The following ALDH18A1 variants were observed in gnomAD, a reference collection of about 807,000 sequenced individuals.
ALDH18A1 encodes aldehyde dehydrogenase 18 family member A1, also known as delta-1-pyrroline-5-carboxylate synthase.
ALDH18A1 carries 44 observed loss-of-function variants against 88.8 expected under a neutral mutation model. That is an observed-to-expected ratio of 0.50 (90% CI 0.39 to 0.64). The LOEUF is 0.64. Ranked by LOEUF, ALDH18A1 falls within the 30% of genes least tolerant of loss-of-function variation. The pLI, the probability that ALDH18A1 is intolerant of heterozygous loss-of-function variation, is 0.00. For synonymous variants in ALDH18A1, 331 were observed against 372.1 expected (o/e 0.89, Z 1.27); for missense variants, 782 against 1,009.5 (o/e 0.77, Z 3.05).
At chr10:95,632,360 A>G (rs2097871753) in intron 7 of ALDH18A1, among the ~76,000 whole-genome samples, 1 of 152,102 alleles carries the variant, frequency 6.6e-6, no homozygotes, top group East Asian at 1.9e-4. Context: ...TGAATTGTAA[A>G]CTTTTATTTA....
At chr10:95,644,991 C>T (rs936574767) in intron 2 of ALDH18A1, among the ~76,000 whole-genome samples, 1 of 152,210 alleles carries the variant, frequency 6.6e-6, no homozygotes, top group Admixed American at 6.5e-5. Context: ...GAGAGAAAAA[C>T]ATTTCTATCC....
intron 12 of ALDH18A1, among the ~76,000 whole-genome samples, chr10:95,619,899 C>T (rs1015370460): frequency 1.3e-5 from 2 of 152,178 alleles, no homozygotes; most frequent in Non-Finnish European, 2.9e-5. Flanking sequence ...ATGACTAAAA[C>T]ACCAAAAGCA....
rs746150080 is a variant in ALDH18A1, at chr10:95,611,288, C to G, written c.2078G>C (p.Ser693Thr). Reference protein sequence around the residue: ...DAIDHIHKYGSSHTDVIVTED... With the variant: ...DAIDHIHKYGTSHTDVIVTED... Reference sequence around the variant, plus strand: ...TGTGACGATGACATCCGTGTGGGAGCTGCCATACTTGTGGATGTGGTCAAT... The same window carrying G: ...TGTGACGATGACATCCGTGTGGGAGGTGCCATACTTGTGGATGTGGTCAAT... The change falls in exon 16 of 18, where the codon AGC (serine) becomes ACC (threonine). Residue 693 changes from serine to threonine, a missense_variant. Around this residue, in one of 3 missense-constraint regions of ALDH18A1, gnomAD observed 556 missense variants for 654.5 expected, o/e 0.85. Coordinates refer to ENST00000371224, the MANE Select transcript of ALDH18A1 (RefSeq NM_002860.4). 17 of 1,614,058 alleles carry G rather than the reference C, an allele frequency of 1.1e-5. No homozygotes were observed. Among genetic ancestry groups the G allele is most frequent in the Non-Finnish European group, 1.4e-5 (17 of 1,180,030 alleles).
intron 5 of ALDH18A1, 63 bp downstream of exon 5, chr10:95,637,030 C>G: frequency 6.9e-7 from 1 of 1,453,248 alleles, no homozygotes; most frequent in Non-Finnish European, 9.6e-7. Flanking sequence ...GGCTCCAGAC[C>G]CCTTTGTTCC....
At chr10:95,655,974 G>A (rs1317136577) in intron 1 of ALDH18A1, among the ~76,000 whole-genome samples, 1 of 152,170 alleles carries the variant, frequency 6.6e-6, no homozygotes, top group African/African-American at 2.4e-5. Flanking sequence ...CCACCTCAGA[G>A]GGCAGGGGAT....
chr10:95,611,973 G>A (rs1024611345), intron 15 of ALDH18A1, among the ~76,000 whole-genome samples: 3 of 148,302 alleles, frequency 2.0e-5, no homozygotes, highest in Non-Finnish European at 3.0e-5. Flanking sequence ...CCGTCTCAAA[G>A]AAAAAAAAAA....
At chr10:95,607,035 G>T in intron 17 of ALDH18A1, 92 bp from the exon 18 acceptor site, 1 of 1,303,064 alleles carries the variant, frequency 7.7e-7, no homozygotes, top group Non-Finnish European at 1.1e-6. Flanking sequence ...CCCCTCACTT[G>T]GTACCCTCTC....
At chr10:95,610,090 C>G (rs2097830882) in intron 17 of ALDH18A1, 107 bp downstream of exon 17, 7 of 1,107,128 alleles carry the variant, frequency 6.3e-6, no homozygotes, top group Middle Eastern at 2.0e-4. Context: ...TTATCTTGAC[C>G]AAGCATGTGA....
At chr10:95,611,197 A>G in intron 16 of ALDH18A1, 59 bp downstream of exon 16, 1 of 1,601,778 alleles carries the variant, frequency 6.2e-7, no homozygotes, top group Non-Finnish European at 8.5e-7. Context: ...GGCTAAGAGG[A>G]GCAGGATCAG....
chr10:95,650,950 AT>A (rs1400596082), intron 2 of ALDH18A1, among the ~76,000 whole-genome samples: 1 of 152,170 alleles, frequency 6.6e-6, no homozygotes, highest in Non-Finnish European at 1.5e-5. Context: ...CCTGGCCAAC[AT>A]GGTAAAACCC....
At chr10:95,618,144 T>C (rs3793751) in intron 12 of ALDH18A1, among the ~76,000 whole-genome samples, 15,409 of 152,078 alleles carry the variant, frequency 0.1, 926 homozygotes, top group Middle Eastern at 0.2. Flanking sequence ...GCTGGTATCC[T>C]ATAGGACAGT....
In ALDH18A1 at chr10:95,609,769, A is replaced by ATTTTTTTTTTTTTTT. The variant is rs55659918; in HGVS notation, c.2206+413_2206+427dup. Among the ~76,000 whole-genome samples, 296 of 114,162 alleles carry ATTTTTTTTTTTTTTT rather than the reference A, an allele frequency of 2.6e-3. 26 individuals are homozygous for ATTTTTTTTTTTTTTT. The highest frequency in any genetic ancestry group is 3.6e-3 in the African/African-American group (105 of 29,080). 74.9% of individuals were successfully genotyped at this position (114,162 alleles called of 152,430 possible). ...CCTACCTTGCCAGAAGTCTGTCTCT[A>ATTTTTTTTTTTTTTT]TTTTTTTTTTTTTTTTGAGATGGTG... On this transcript the variant is annotated intron_variant, in intron 17 of 17. Transcript: ENST00000371224.
chr10:95,607,731 T>C (rs1460490290), intron 17 of ALDH18A1, among the ~76,000 whole-genome samples: 3 of 152,160 alleles, frequency 2.0e-5, no homozygotes, highest in Non-Finnish European at 4.4e-5. Flanking sequence ...TGACAGAGGC[T>C]GTGTGGTGGA....
chr10:95,637,294 T>C lies in ALDH18A1; in HGVS notation c.446A>G (p.Lys149Arg), dbSNP rs2097882623. ...TGGGGAAGCAGCACTCACCATTTCT[T>C]TCAGCTGGTTCTGCCCCGAGTGGAG... The part of the protein sequence containing the change: ...QALHSGQNQL[K>R]EMAIPVLEAR... Residue 149 changes from lysine to arginine, a missense_variant, in exon 4 of 18, where the codon AAA (lysine) becomes AGA (arginine). Lys to Arg is a conservative substitution (Grantham distance 26, BLOSUM62 2). Transcript: ENST00000371224. 4 of 1,614,096 alleles carry C rather than the reference T, an allele frequency of 2.5e-6. No individual in the cohort carries two copies. In the East Asian group the frequency reaches 8.9e-5, roughly 36 times the overall value.
At chr10:95,607,251 A>T (rs922440829) in intron 17 of ALDH18A1, among the ~76,000 whole-genome samples, 1 of 152,232 alleles carries the variant, frequency 6.6e-6, no homozygotes, top group African/African-American at 2.4e-5. Flanking sequence ...TCTGAATTGC[A>T]TACCATATTT....
intron 12 of ALDH18A1, 79 bp from the exon 13 acceptor site, chr10:95,616,693 C>A (rs1181883756): frequency 6.6e-7 from 1 of 1,515,626 alleles, no homozygotes; most frequent in South Asian, 1.2e-5. Flanking sequence ...CACAAGCACT[C>A]CTTCTGTGCT....
At chr10:95,633,741 T>C in intron 5 of ALDH18A1, 92 bp from the exon 6 acceptor site, 2 of 1,438,048 alleles carry the variant, frequency 1.4e-6, no homozygotes. Flanking sequence ...GGAGTTAAAC[T>C]TTAGGTTTCT....
At chr10:95,610,982 G>GT (rs1316423012) in intron 16 of ALDH18A1, among the ~76,000 whole-genome samples, 2 of 152,310 alleles carry the variant, frequency 1.3e-5, no homozygotes, top group South Asian at 2.1e-4. Flanking sequence ...TAACTACCTT[G>GT]TAAGATTTGC....
intron 2 of ALDH18A1, among the ~76,000 whole-genome samples, chr10:95,646,244 C>G (rs1246056573): frequency 1.3e-5 from 2 of 152,170 alleles, no homozygotes; most frequent in Non-Finnish European, 2.9e-5. Context: ...GGAACACAGG[C>G]AGTGGCATGC....
Sources: gnomAD v4.1 joint callset for allele counts (sites outside exome capture counted in the v4.1 genomes callset) on GRCh38, gnomAD v4.1.1 for gene constraint, gnomAD v4.1.1 regional missense constraint, MANE v1.5 for transcripts, NCBI Gene and HGNC (gene_info 2026-07-23, HGNC 2026-07-21) for gene names.